The following SHISA6 variants were observed in gnomAD, a reference collection of about 807,000 sequenced individuals.
SHISA6 encodes the protein protein shisa-6.
In SHISA6, 22 loss-of-function variants were observed where a neutral mutation model predicts 47.9. That is an observed-to-expected ratio of 0.46 (90% CI 0.33 to 0.66). The LOEUF is 0.66. Among genes scored for constraint, SHISA6 ranks in the 30% least tolerant of loss-of-function variants. The pLI is 0.02. For missense variants in SHISA6, 680 were observed against 764.6 expected, an observed-to-expected ratio of 0.89 and a Z score of 1.30; for synonymous variants, 388 against 337.8, an observed-to-expected ratio of 1.15 and a Z score of -1.63.
chr17:11,284,833 C>T (rs1909241998), intron 2 of SHISA6, among the ~76,000 whole-genome samples: 2 of 152,178 alleles, frequency 1.3e-5, no homozygotes, highest in South Asian at 4.1e-4. Context: ...TGGCTGGGAC[C>T]AAAGCAATTT....
chr17:11,372,867 C>CAT (rs1261186090), intron 2 of SHISA6, among the ~76,000 whole-genome samples: 1 of 152,078 alleles, frequency 6.6e-6, no homozygotes, highest in Non-Finnish European at 1.5e-5. Context: ...TCTGAGGGCA[C>CAT]ATAATGCATT....
intron 3 of SHISA6, among the ~76,000 whole-genome samples, chr17:11,399,931 C>T (rs1913706594): frequency 6.6e-6 from 1 of 152,180 alleles, no homozygotes; most frequent in South Asian, 2.1e-4. Flanking sequence ...AGTCTTCATT[C>T]TCCTTGCTAT....
chr17:11,534,407 A>T (rs1350705283), intron 3 of SHISA6, among the ~76,000 whole-genome samples: 1 of 152,186 alleles, frequency 6.6e-6, no homozygotes, highest in Non-Finnish European at 1.5e-5. Flanking sequence ...AGTGCCCGGC[A>T]TAATGGCCAT....
At chr17:11,420,663 C>T (rs566624432) in intron 3 of SHISA6, among the ~76,000 whole-genome samples, 5 of 152,282 alleles carry the variant, frequency 3.3e-5, no homozygotes, top group Middle Eastern at 3.4e-3. Context: ...GGTTGGGCAC[C>T]GCTGTTCCAA....
intron 2 of SHISA6, among the ~76,000 whole-genome samples, chr17:11,303,650 C>T (rs1432109266): frequency 6.6e-6 from 1 of 152,174 alleles, no homozygotes; most frequent in Non-Finnish European, 1.5e-5. Context: ...GGGGAGCCAT[C>T]TCCAGCATAC....
chr17:11,463,985 C>T (rs1265501632), intron 3 of SHISA6, among the ~76,000 whole-genome samples: 1 of 152,124 alleles, frequency 6.6e-6, no homozygotes, highest in Non-Finnish European at 1.5e-5. Flanking sequence ...GATCCAATCA[C>T]AACTCACTGC....
intron 3 of SHISA6, among the ~76,000 whole-genome samples, chr17:11,452,827 TCTTA>T (rs1301362908): frequency 1.3e-5 from 2 of 151,218 alleles, no homozygotes; most frequent in Non-Finnish European, 2.9e-5. Context: ...CTTATTCTCC[TCTTA>T]CTCTCTTCCT....
At chr17:11,307,161 CTT>C (rs535717755) in intron 2 of SHISA6, among the ~76,000 whole-genome samples, 1 of 133,424 alleles carries the variant, frequency 7.5e-6, no homozygotes, top group Admixed American at 7.4e-5. Context: ...TTCTTTTTTT[CTT>C]TTTTTTTTAT....
chr17:11,242,101 C>T (rs1165148093), intron 1 of SHISA6, 41 bp downstream of exon 1: 1 of 1,546,862 alleles, frequency 6.5e-7, no homozygotes, highest in African/African-American at 1.4e-5. Context: ...CTCCCCGCGG[C>T]CTCACCCTCT....
In SHISA6 at chr17:11,393,005, G is replaced by A. The variant is rs1422116665; in HGVS notation, c.895+13496G>A. On this transcript the variant is annotated intron_variant, in intron 3 of 5. Transcript: ENST00000441885. Reference sequence around the variant, plus strand: ...TTTGTGCGAATTGAGAGGTTCTGGGGAAGCCTCGCTCTTGAGCATTTGCCC... The same window carrying A: ...TTTGTGCGAATTGAGAGGTTCTGGGAAAGCCTCGCTCTTGAGCATTTGCCC... Among the ~76,000 whole-genome samples the A allele has an allele frequency of 3.9e-5, 6 of 152,250 alleles. 1 individual carries two copies. In the South Asian group the frequency reaches 1.2e-3, roughly 31 times the overall value.
chr17:11,379,313 G>T (rs2142244735), intron 2 of SHISA6, 101 bp from the exon 3 acceptor site: 1 of 715,622 alleles, frequency 1.4e-6, no homozygotes, highest in Non-Finnish European at 2.2e-6. Context: ...CTGCTGGTTT[G>T]AAAACATGCA....
chr17:11,335,359 G>A (rs1369239633), intron 2 of SHISA6, among the ~76,000 whole-genome samples: 2 of 152,160 alleles, frequency 1.3e-5, no homozygotes, highest in Non-Finnish European at 2.9e-5. Flanking sequence ...GAGTCAATGC[G>A]TGAACATGCT....
At chr17:11,438,801 G>A (rs1182512342) in intron 3 of SHISA6, among the ~76,000 whole-genome samples, 1 of 152,206 alleles carries the variant, frequency 6.6e-6, no homozygotes, top group African/African-American at 2.4e-5. Context: ...CTGTTGGAAA[G>A]CAATGGGCTA....
intron 2 of SHISA6, among the ~76,000 whole-genome samples, chr17:11,268,006 A>C (rs1908490050): frequency 6.6e-6 from 1 of 152,150 alleles, no homozygotes; most frequent in African/African-American, 2.4e-5. Flanking sequence ...GGAGAGACCC[A>C]GCATGTTTGC....
chr17:11,416,362 A>G (rs1037998868), intron 3 of SHISA6, among the ~76,000 whole-genome samples: 14 of 152,220 alleles, frequency 9.2e-5, no homozygotes, highest in Admixed American at 8.5e-4. Context: ...TGGATCTCCA[A>G]GACGGCAGTA....
chr17:11,402,272 A>G (rs1597495259), intron 3 of SHISA6, among the ~76,000 whole-genome samples: 1 of 152,162 alleles, frequency 6.6e-6, no homozygotes, highest in African/African-American at 2.4e-5. Flanking sequence ...CAGCCCACCA[A>G]CCTGCCATAG....
At chr17:11,430,173 A>G (rs1914713449) in intron 3 of SHISA6, among the ~76,000 whole-genome samples, 1 of 152,194 alleles carries the variant, frequency 6.6e-6, no homozygotes, top group African/African-American at 2.4e-5. Flanking sequence ...CTAAAACTAC[A>G]TTCTTTCCAT....
At chr17:11,390,941 A>G (rs960403321) in intron 3 of SHISA6, among the ~76,000 whole-genome samples, 1 of 152,238 alleles carries the variant, frequency 6.6e-6, no homozygotes, top group Admixed American at 6.5e-5. Context: ...GGGAAGTGCC[A>G]TGAAGTAGAT....
At chr17:11,325,011 C>T (rs1183715798) in intron 2 of SHISA6, among the ~76,000 whole-genome samples, 3 of 152,172 alleles carry the variant, frequency 2.0e-5, no homozygotes, top group African/African-American at 7.2e-5. Context: ...CAAACCCTGA[C>T]ATCCTAGCTT....
Sources: gnomAD v4.1 joint callset for allele counts (sites outside exome capture counted in the v4.1 genomes callset) on GRCh38, gnomAD v4.1.1 for gene constraint, MANE v1.5 for transcripts, NCBI Gene and HGNC (gene_info 2026-07-23, HGNC 2026-07-21) for gene names.